The following CCNT2 variants were observed in gnomAD, a reference collection of about 807,000 sequenced individuals.
CCNT2 encodes the protein cyclin-T2.
A neutral mutation model predicts 70.0 loss-of-function variants in CCNT2; 18 were observed. That is an observed-to-expected ratio of 0.26 (90% CI 0.18 to 0.38). CCNT2 has a LOEUF of 0.38. CCNT2 is among the 10% of genes least tolerant of loss of function. The pLI is 1.00. For synonymous variants in CCNT2, 334 were observed against 313.3 expected, an observed-to-expected ratio of 1.07 and a Z score of -0.70; for missense variants, 734 against 890.2, an observed-to-expected ratio of 0.82 and a Z score of 2.23.
At chr2:134,919,921 CG>C (rs1162807571) in intron 2 of CCNT2, 30 bp downstream of exon 2, 2 of 1,483,958 alleles carry the variant, frequency 1.3e-6, no homozygotes, top group East Asian at 4.6e-5. Flanking sequence ...TTTTACTGTC[CG>C]CAAATTTGAG....
intron 2 of CCNT2, among the ~76,000 whole-genome samples, chr2:134,928,478 A>G (rs1319075965): frequency 1.3e-5 from 2 of 151,544 alleles, no homozygotes; most frequent in Admixed American, 6.6e-5. Context: ...GGTTTTCTCC[A>G]TGTTGGTCAG....
chr2:134,925,485 CTATTAA>C (rs1304865324), intron 2 of CCNT2, among the ~76,000 whole-genome samples: 1 of 152,132 alleles, frequency 6.6e-6, no homozygotes, highest in African/African-American at 2.4e-5. Context: ...TTCCCCCAGC[CTATTAA>C]TAGACATTTC....
At chr2:134,941,589 G>T (rs1467491326) in intron 4 of CCNT2, among the ~76,000 whole-genome samples, 1 of 152,092 alleles carries the variant, frequency 6.6e-6, no homozygotes, top group Admixed American at 6.5e-5. Flanking sequence ...AAAATAAAAA[G>T]ATACCAAAAA....
chr2:134,918,963 C>A lies in CCNT2; in HGVS notation c.109C>A (p.Arg37Ser). The part of the protein sequence containing the change: ...GVEADKELSC[R>S]QQAANLIQEM... ...GGAGGCGGATAAAGAGCTCTCGTGC[C>A]GCCAGCAGGCGGCCAACCTCATCCA... The change falls in exon 1 of 9, where the codon CGC becomes AGC. Residue 37 changes from arginine (R) to serine (S), a missense_variant. By Grantham distance (110) the Arg-to-Ser change is moderately radical. Around this residue, in one of 3 missense-constraint regions of CCNT2, gnomAD observed 161 missense variants for 303.8 expected, o/e 0.53. Transcript: ENST00000264157. 1 of 1,613,752 alleles carries A rather than the reference C, an allele frequency of 6.2e-7. No individual in the cohort carries two copies. Among genetic ancestry groups the A allele is most frequent in the Admixed American group, 1.7e-5 (1 of 60,024 alleles).
chr2:134,954,695 T>A lies in CCNT2; in HGVS notation c.*47T>A, dbSNP rs368199418. On this transcript the variant is annotated 3_prime_UTR_variant, in exon 9 of 9. Transcript: ENST00000264157. ...TCCTTTACTTTTTTAATTTAAAAAT[T>A]GTTAGAATGGAAAAATTCCTTCTGA... is the stretch of plus-strand genomic sequence containing the variant. 7.6e-6 allele frequency: 10 copies of A among 1,321,170 alleles called. No homozygotes were observed. The Middle Eastern group carries it at 1.5e-3, about 198-fold the overall frequency. 81.8% of individuals were successfully genotyped at this position (1,321,170 alleles called of 1,614,324 possible). A position where few individuals can be genotyped will look rare whatever the true frequency, so the allele number is the denominator to read the frequency against.
At chr2:134,945,315 G>T (rs1681872007) in intron 5 of CCNT2, 1 of 985,236 alleles carries the variant, frequency 1.0e-6, no homozygotes, top group South Asian at 4.7e-5. Flanking sequence ...CAGTGCTTGT[G>T]GATGTAATTG....
At chr2:134,925,444 C>A (rs1281798560) in intron 2 of CCNT2, among the ~76,000 whole-genome samples, 1 of 151,876 alleles carries the variant, frequency 6.6e-6, no homozygotes, top group East Asian at 1.9e-4. Flanking sequence ...CAAAAAGAAA[C>A]CCCCAACCCC....
intron 4 of CCNT2, among the ~76,000 whole-genome samples, chr2:134,940,273 T>A (rs956494888): frequency 6.6e-6 from 1 of 152,150 alleles, no homozygotes. Flanking sequence ...TACATGGATT[T>A]TTTTCAATAA....
At position 134,953,283 on chromosome 2, in the gene CCNT2, A is replaced by G. The variant is rs768892959; in HGVS notation, c.828A>G (p.Pro276=). The change falls in exon 9 of 9, where the codon CCA becomes CCG. Residue 276 remains proline, a synonymous_variant. Coordinates refer to ENST00000264157, the MANE Select transcript of CCNT2 (RefSeq NM_058241.3). ...TAGATGGACAGGTATCAGAGACACC[A>G]CTTCTTGGTTCATCTTTGGTCCAGA... The part of the protein sequence containing the change: ...PKVDGQVSET[P]LLGSSLVQNS... The G allele has an allele frequency of 5.0e-6, 8 of 1,613,888 alleles. No homozygotes were observed. Among genetic ancestry groups the G allele is most frequent in the Non-Finnish European group, 5.1e-6 (6 of 1,179,890 alleles).
At position 134,954,939 on chromosome 2, in the gene CCNT2, A is replaced by G. The variant is rs924077541; in HGVS notation, c.*291A>G. 3.6e-5 allele frequency: 11 copies of G among 302,192 alleles called. No homozygotes were observed. Among genetic ancestry groups the G allele is most frequent in the African/African-American group, 1.9e-4 (9 of 47,124 alleles). The allele number at this position is 302,192 out of a possible 1,614,324, so 18.7% of individuals were successfully genotyped here. A position where few individuals can be genotyped will look rare whatever the true frequency, so the allele number is the denominator to read the frequency against. On this transcript the variant is annotated 3_prime_UTR_variant, in exon 9 of 9. Transcript: ENST00000264157. ...TGAATGGCTGGCTGCTTCTAGGAAT[A>G]TAAGATGCCTCAAGCATTCATTATT...
chr2:134,954,651 A>G lies in CCNT2; in HGVS notation c.*3A>G. 6.4e-7 allele frequency: 1 copy of G among 1,567,046 alleles called. No individual in the cohort carries two copies. The stretch of plus-strand genomic sequence containing the variant: ...GTGCCCAAGGAATGAACATGTAATA[A>G]TTTGTTTAGGTCAATTTTTCCTTTA... On this transcript the variant is annotated 3_prime_UTR_variant, in exon 9 of 9. Transcript: ENST00000264157.
chr2:134,953,041 T>A (rs999488489), intron 8 of CCNT2, 189 bp from the exon 9 acceptor site: 19 of 504,382 alleles, frequency 3.8e-5, no homozygotes, highest in Non-Finnish European at 6.5e-5. Flanking sequence ...ATGGGTGTTT[T>A]CAATTTTTTA....
At chr2:134,931,105 G>A (rs1680718011) in intron 2 of CCNT2, among the ~76,000 whole-genome samples, 2 of 151,580 alleles carry the variant, frequency 1.3e-5, no homozygotes, top group South Asian at 2.1e-4. Context: ...TGGGACTACA[G>A]GTGCCTGCCG....
Position 134,954,079 on chromosome 2 carries a change from A to G in CCNT2, c.1624A>G (p.Ser542Gly). Residue 542 changes from serine (S) to glycine (G), a missense_variant, in exon 9 of 9, where the codon AGT becomes GGT. By Grantham distance (56) the Ser-to-Gly change is moderately conservative. Transcript: ENST00000264157. ...AAGACACAGCTCTTCTGATGAAGGC[A>G]GTGGGAAGAGCAAACATTCAAGCCC... ...SERHSSSDEG[S>G]GKSKHSSPHI... 6.2e-7 allele frequency: 1 copy of G among 1,614,190 alleles called. No individual in the cohort carries two copies. The highest frequency in any genetic ancestry group is 8.5e-7 in the Non-Finnish European group (1 of 1,179,996).
chr2:134,945,753 T>TTTC (rs531669363), intron 5 of CCNT2: 12 of 1,300,844 alleles, frequency 9.2e-6, no homozygotes, highest in African/African-American at 4.8e-5. Flanking sequence ...TTCAAAATCT[T>TTTC]TTCTTCTTCT....
At chr2:134,946,313 G>T in intron 6 of CCNT2, 167 bp downstream of exon 6, 1 of 1,169,434 alleles carries the variant, frequency 8.6e-7, no homozygotes, top group Non-Finnish European at 1.2e-6. Flanking sequence ...AGGGACTTTG[G>T]GCACAGAGGG....
rs150434426 is a variant in CCNT2, at chr2:134,936,828, A to C, written c.241-13A>C. ...TTTGTTCTTAAATGACCAGAGTTTT[A>C]TCTTTTCTGCAGATAATATCGTCTA... On this transcript the variant is annotated splice_polypyrimidine_tract_variant and intron_variant, in intron 2 of 8. Transcript: ENST00000264157. 11,090 of 1,599,032 alleles carry C rather than the reference A, an allele frequency of 6.9e-3. 67 individuals are homozygous for C. Among genetic ancestry groups the C allele is most frequent in the Non-Finnish European group, 7.4e-3 (8,636 of 1,174,444 alleles).
At chr2:134,947,567 T>C (rs1227744345) in intron 6 of CCNT2, among the ~76,000 whole-genome samples, 169 bp from the exon 7 acceptor site, 1 of 152,200 alleles carries the variant, frequency 6.6e-6, no homozygotes, top group East Asian at 1.9e-4. Context: ...GTAGATTTTT[T>C]AGTACTAGAA....
rs1682843473 is a variant in CCNT2 at position 134,954,981 on chromosome 2, T to G, written c.*333T>G. The G allele has an allele frequency of 4.7e-6, 1 of 211,500 alleles. No individual in the cohort carries two copies. Among genetic ancestry groups the G allele is most frequent in the African/African-American group, 2.3e-5 (1 of 43,736 alleles). The allele number at this position is 211,500 out of a possible 1,614,324, so 13.1% of individuals were successfully genotyped here. A position where few individuals can be genotyped will look rare whatever the true frequency, so the allele number is the denominator to read the frequency against. ...TTCATTATTTATGATTTGAATACTGTAGCTATTTTTTGTTGCTTGGCTTTT... is the reference window on the plus strand; with the variant it reads ...TTCATTATTTATGATTTGAATACTGGAGCTATTTTTTGTTGCTTGGCTTTT... On this transcript the variant is annotated 3_prime_UTR_variant, in exon 9 of 9. Coordinates refer to ENST00000264157, the MANE Select transcript of CCNT2 (RefSeq NM_058241.3).
Sources: allele counts gnomAD v4.1 joint callset (sites outside exome capture counted in the v4.1 genomes callset), GRCh38; gene constraint gnomAD v4.1.1; regional missense constraint gnomAD v4.1.1; transcripts MANE v1.5; gene names NCBI Gene and HGNC (gene_info 2026-07-23, HGNC 2026-07-21).